Variants in OPCML observed in about 807,000 individuals in gnomAD.
The protein encoded by OPCML is opioid binding protein/cell adhesion molecule like.
A neutral mutation model predicts 37.8 loss-of-function variants in OPCML; 13 were observed. That is an observed-to-expected ratio of 0.34 (90% CI 0.22 to 0.55). OPCML has a LOEUF of 0.55. Ranked by LOEUF, OPCML falls within the 20% of genes least tolerant of loss-of-function variation. The probability of loss-of-function intolerance (pLI) is 0.91; values close to 1 mark genes in which losing one functional copy is unlikely to be tolerated. For synonymous variants in OPCML, 176 were observed against 168.8 expected (o/e 1.04, Z -0.33); for missense variants, 341 against 435.6 (o/e 0.78, Z 1.93).
At chr11:133,110,878 G>T (rs1305932558) in intron 1 of OPCML, among the ~76,000 whole-genome samples, 2 of 152,136 alleles carry the variant, frequency 1.3e-5, no homozygotes, top group African/African-American at 4.8e-5. Context: ...AGGCATTTGG[G>T]GTTAGAAACC....
intron 3 of OPCML, among the ~76,000 whole-genome samples, chr11:132,586,636 G>A (rs1482668663): frequency 4.6e-5 from 7 of 152,270 alleles, no homozygotes; most frequent in Non-Finnish European, 1.5e-5. Flanking sequence ...GTATTCCAAA[G>A]GGACACAGAC....
At chr11:132,777,699 A>C (rs1271897879) in intron 2 of OPCML, among the ~76,000 whole-genome samples, 1 of 152,130 alleles carries the variant, frequency 6.6e-6, no homozygotes, top group Non-Finnish European at 1.5e-5. Context: ...ATATTCCAAA[A>C]AGGAGAGGAA....
At chr11:132,902,886 C>A (rs573278332) in intron 2 of OPCML, among the ~76,000 whole-genome samples, 1 of 152,018 alleles carries the variant, frequency 6.6e-6, no homozygotes, top group African/African-American at 2.4e-5. Flanking sequence ...AAGGCAACTC[C>A]GAGAAATTAC....
intron 3 of OPCML, among the ~76,000 whole-genome samples, chr11:132,552,946 A>T (rs2096385652): frequency 6.6e-6 from 1 of 151,698 alleles, no homozygotes; most frequent in South Asian, 2.1e-4. Context: ...TTGTATTTTT[A>T]GTAGATACGG....
intron 2 of OPCML, among the ~76,000 whole-genome samples, chr11:132,739,387 A>C (rs1945365595): frequency 6.6e-6 from 1 of 152,176 alleles, no homozygotes; most frequent in Non-Finnish European, 1.5e-5. Context: ...GCCAGGTCCC[A>C]GGCAATGAAC....
At chr11:132,611,209 T>C (rs542766231) in intron 3 of OPCML, among the ~76,000 whole-genome samples, 1 of 152,200 alleles carries the variant, frequency 6.6e-6, no homozygotes, top group Admixed American at 6.5e-5. Context: ...TTGACAGATA[T>C]AAATGAGTAA....
intron 2 of OPCML, among the ~76,000 whole-genome samples, chr11:132,668,362 T>C (rs916361104): frequency 6.6e-6 from 1 of 152,208 alleles, no homozygotes; most frequent in Non-Finnish European, 1.5e-5. Context: ...ATGCCTGTCA[T>C]TGGACAGATG....
intron 1 of OPCML, among the ~76,000 whole-genome samples, chr11:132,967,143 T>C (rs1946234693): frequency 6.6e-6 from 1 of 152,102 alleles, no homozygotes; most frequent in Non-Finnish European, 1.5e-5. Flanking sequence ...TTAATCTCTT[T>C]AATATTAATA....
intron 1 of OPCML, among the ~76,000 whole-genome samples, chr11:133,003,006 C>T (rs1156797039): frequency 6.6e-6 from 1 of 152,088 alleles, no homozygotes; most frequent in Non-Finnish European, 1.5e-5. Context: ...TCTGATATAC[C>T]ACAAAATCTT....
Position 133,474,715 on chromosome 11 carries a change from C to T in OPCML, c.61+57549G>A, listed in dbSNP as rs1289088186. 2.0e-5 allele frequency among the ~76,000 whole-genome samples: 3 copies of T among 151,888 alleles called. No homozygotes were observed. The East Asian group carries it at 5.8e-4, about 29-fold the overall frequency. On this transcript the variant is annotated intron_variant, in intron 1 of 7. Transcript: ENST00000524381. ...GCAGAACCCAGCTCACTCTGGTTGC[C>T]CTCCAAGACTTGGCCTGAACCTACT... is the stretch of plus-strand genomic sequence containing the variant.
At chr11:132,499,152 T>C (rs568714991) in intron 4 of OPCML, among the ~76,000 whole-genome samples, 1 of 152,268 alleles carries the variant, frequency 6.6e-6, no homozygotes, top group African/African-American at 2.4e-5. Flanking sequence ...CCCTAGGGAC[T>C]AATGGTAGAT....
At chr11:132,776,863 C>G (rs774018297) in intron 2 of OPCML, among the ~76,000 whole-genome samples, 1 of 152,122 alleles carries the variant, frequency 6.6e-6, no homozygotes, top group African/African-American at 2.4e-5. Context: ...CAGGTCAGTG[C>G]GAGCAGTTGT....
intron 1 of OPCML, among the ~76,000 whole-genome samples, chr11:133,185,446 C>G (rs2136292320): frequency 6.6e-6 from 1 of 152,294 alleles, no homozygotes; most frequent in Admixed American, 6.5e-5. Flanking sequence ...GGCTGCAGCC[C>G]ATTGCAGGGA....
intron 2 of OPCML, among the ~76,000 whole-genome samples, chr11:132,710,611 G>T (rs1272506199): frequency 1.3e-5 from 2 of 152,048 alleles, no homozygotes; most frequent in African/African-American, 4.8e-5. Flanking sequence ...CCAGCACTTT[G>T]GGAGGCCAAG....
chr11:132,821,795 C>G (rs1193113366), intron 2 of OPCML, among the ~76,000 whole-genome samples: 2 of 152,164 alleles, frequency 1.3e-5, no homozygotes, highest in Non-Finnish European at 2.9e-5. Context: ...CCTTCTCACC[C>G]CTCCCCACTA....
chr11:133,024,862 T>G, intron 1 of OPCML: 1 of 985,406 alleles, frequency 1.0e-6, no homozygotes, highest in Non-Finnish European at 1.2e-6. Context: ...TCATGTCCCT[T>G]CTATGCCAGT....
intron 1 of OPCML, among the ~76,000 whole-genome samples, chr11:132,965,619 G>A (rs1165165203): frequency 6.6e-6 from 1 of 152,150 alleles, no homozygotes; most frequent in East Asian, 1.9e-4. Flanking sequence ...TGCAATTTCT[G>A]CCTCCTGAGT....
chr11:133,139,559 T>A (rs1027812547), intron 1 of OPCML, among the ~76,000 whole-genome samples: 8 of 152,168 alleles, frequency 5.3e-5, no homozygotes, highest in African/African-American at 1.9e-4. Context: ...CTAAATAAAT[T>A]GCTTTGTTTT....
intron 3 of OPCML, among the ~76,000 whole-genome samples, chr11:132,556,683 G>A (rs1306257508): frequency 6.6e-5 from 10 of 152,180 alleles, no homozygotes; most frequent in African/African-American, 9.7e-5. Flanking sequence ...GGAGGTCAGA[G>A]AGGCTGCCAC....
Sources: allele counts gnomAD v4.1 joint callset (sites outside exome capture counted in the v4.1 genomes callset), GRCh38; gene constraint gnomAD v4.1.1; transcripts MANE v1.5; gene names NCBI Gene and HGNC (gene_info 2026-07-23, HGNC 2026-07-21).